The following REV3L variants were observed in gnomAD, a reference collection of about 807,000 sequenced individuals.
REV3L encodes the protein DNA polymerase zeta catalytic subunit.
Under a neutral mutation model 299.4 loss-of-function variants are expected in REV3L, and 69 were observed. The observed-to-expected ratio is 0.23, with a 90% CI of 0.19 to 0.28. The LOEUF (loss-of-function observed/expected upper bound fraction) is 0.28, where lower values mean the gene tolerates loss of function less well. REV3L is among the 10% of genes least tolerant of loss of function. The probability of loss-of-function intolerance (pLI) is 1.00; values close to 1 mark genes in which losing one functional copy is unlikely to be tolerated. For missense variants in REV3L, 3,128 were observed against 3,693.8 expected (o/e 0.85, Z 3.97); for synonymous variants, 1,238 against 1,271.4 (o/e 0.97, Z 0.56).
At chr6:111,328,344 A>G (rs926054507) in intron 25 of REV3L, among the ~76,000 whole-genome samples, 5 of 152,162 alleles carry the variant, frequency 3.3e-5, no homozygotes, top group African/African-American at 1.2e-4. Context: ...GGCTCAAGCA[A>G]TCCTCCCACC....
At chr6:111,366,443 C>T (rs1779220584) in intron 14 of REV3L, among the ~76,000 whole-genome samples, 1 of 151,880 alleles carries the variant, frequency 6.6e-6, no homozygotes, top group African/African-American at 2.4e-5. Flanking sequence ...TTAATAAACT[C>T]CAACATTTAG....
chr6:111,369,775 A>C (rs1244207711), intron 13 of REV3L, among the ~76,000 whole-genome samples: 1 of 152,164 alleles, frequency 6.6e-6, no homozygotes, highest in Non-Finnish European at 1.5e-5. Context: ...TACTACATGG[A>C]AAAATGATGT....
intron 14 of REV3L, among the ~76,000 whole-genome samples, chr6:111,366,189 A>T (rs1280588798): frequency 6.6e-6 from 1 of 152,176 alleles, no homozygotes; most frequent in Non-Finnish European, 1.5e-5. Flanking sequence ...TGTATATATA[A>T]GTGTGTTGGG....
At chr6:111,482,068 G>T (rs1562382761) in intron 1 of REV3L, among the ~76,000 whole-genome samples, 1 of 152,140 alleles carries the variant, frequency 6.6e-6, no homozygotes, top group Non-Finnish European at 1.5e-5. Flanking sequence ...TTCCATGGAT[G>T]CACATTTCCT....
At chr6:111,332,684 T>C (rs928974987) in intron 23 of REV3L, among the ~76,000 whole-genome samples, 4 of 152,244 alleles carry the variant, frequency 2.6e-5, no homozygotes, top group Admixed American at 2.6e-4. Context: ...TATCAGTTTA[T>C]AAAATTTAAT....
chr6:111,345,138 T>C (rs539314350), intron 20 of REV3L, among the ~76,000 whole-genome samples: 8 of 152,312 alleles, frequency 5.3e-5, no homozygotes, highest in African/African-American at 1.7e-4. Context: ...AAAGCTCATA[T>C]TGAAAGCAGT....
At chr6:111,467,143 C>T (rs776010477) in intron 1 of REV3L, among the ~76,000 whole-genome samples, 2 of 152,062 alleles carry the variant, frequency 1.3e-5, no homozygotes, top group East Asian at 1.9e-4. Flanking sequence ...AGAAAGGGTT[C>T]GACAACTTTA....
chr6:111,481,492 A>T (rs1793634383), intron 1 of REV3L, among the ~76,000 whole-genome samples: 1 of 152,228 alleles, frequency 6.6e-6, no homozygotes, highest in Non-Finnish European at 1.5e-5. Context: ...CAAATCTCAC[A>T]ACATTGACAT....
At chr6:111,483,613 T>C (rs1255376848), upstream of REV3L, 2 of 446,426 alleles carry the variant, frequency 4.5e-6, no homozygotes, top group Non-Finnish European at 8.9e-6. Context: ...CCGACCGCCA[T>C]TTCACATCCA....
intron 21 of REV3L, among the ~76,000 whole-genome samples, chr6:111,336,123 A>C (rs1775872689): frequency 6.6e-6 from 1 of 151,894 alleles, no homozygotes; most frequent in Non-Finnish European, 1.5e-5. Context: ...TTTTAGTGAG[A>C]TAATACATGG....
Position 111,346,462 on chromosome 6 carries a change from A to G in REV3L, c.7420-2419T>C, listed in dbSNP as rs532630996. Among the ~76,000 whole-genome samples the G allele has an allele frequency of 2.2e-4, 33 of 152,370 alleles. No homozygotes were observed. The South Asian group carries it at 5.4e-3, about 25-fold the overall frequency. ...AGAGAAAGAAATCTAGTACTTGTAT[A>G]TTAAAAAAACAAACAAAATTTATGA... On this transcript the variant is annotated intron_variant, in intron 20 of 31. Coordinates refer to ENST00000368802, the MANE Select transcript of REV3L (RefSeq NM_001372078.1).
At position 111,388,123 on chromosome 6, in the gene REV3L, C is replaced by T. The variant is rs768350339; in HGVS notation, c.863-38G>A. On this transcript the variant is annotated intron_variant, in intron 7 of 31. Coordinates refer to ENST00000368802, the MANE Select transcript of REV3L (RefSeq NM_001372078.1). Reference sequence around the variant, plus strand: ...AAAGTGCATTAAAAAATGTAAATAGCAAATGAATGAAATATTTTCCCTTCT... The same window carrying T: ...AAAGTGCATTAAAAAATGTAAATAGTAAATGAATGAAATATTTTCCCTTCT... 44 of 1,351,328 alleles carry T rather than the reference C, an allele frequency of 3.3e-5. No homozygotes were observed. In the South Asian group the frequency reaches 3.6e-4, roughly 11 times the overall value. 83.7% of individuals were successfully genotyped at this position (1,351,328 alleles called of 1,614,324 possible).
At chr6:111,422,613 CACATATATATATAT>C (rs1785566540) in intron 1 of REV3L, among the ~76,000 whole-genome samples, 1 of 7,178 alleles carries the variant, frequency 1.4e-4, no homozygotes, top group Non-Finnish European at 3.3e-4. Context: ...TATATATATA[CACATATATATATAT>C]ATACACATAT....
At chr6:111,450,478 CAAAAAAAAAAAAAAAAA>C (rs869119350) in intron 1 of REV3L, among the ~76,000 whole-genome samples, 3 of 54,114 alleles carry the variant, frequency 5.5e-5, no homozygotes, top group Non-Finnish European at 8.4e-5. Context: ...GACCCTGTCT[CAAAAAAAAAAAAAAAAA>C]AAAAAAAAAA....
At chr6:111,476,627 C>G (rs1372280032) in intron 1 of REV3L, among the ~76,000 whole-genome samples, 1 of 152,144 alleles carries the variant, frequency 6.6e-6, no homozygotes, top group Non-Finnish European at 1.5e-5. Flanking sequence ...TAAGTTAATT[C>G]TAGTCTTTAC....
At chr6:111,408,013 A>C (rs1327552061) in intron 3 of REV3L, among the ~76,000 whole-genome samples, 2 of 152,202 alleles carry the variant, frequency 1.3e-5, no homozygotes, top group African/African-American at 4.8e-5. Flanking sequence ...AGAATGGCTA[A>C]ATGAGAAAGG....
intron 9 of REV3L, among the ~76,000 whole-genome samples, chr6:111,387,178 A>T (rs1308505322): frequency 6.6e-6 from 1 of 152,218 alleles, no homozygotes; most frequent in Admixed American, 6.5e-5. Context: ...AGCCAGACAC[A>T]AAAGACTATA....
intron 31 of REV3L, among the ~76,000 whole-genome samples, chr6:111,303,165 C>CTTTCT (rs4038141): frequency 1.9e-4 from 18 of 92,342 alleles, no homozygotes; most frequent in South Asian, 7.7e-4. Context: ...TCTTTTCTTT[C>CTTTCT]TTTTTTTTTT....
rs184016476 is a variant in REV3L, at chr6:111,383,922, T to C, written c.1097-2478A>G. 5.9e-5 allele frequency among the ~76,000 whole-genome samples: 9 copies of C among 152,026 alleles called. No homozygotes were observed. The East Asian group carries it at 1.5e-3, about 26-fold the overall frequency. On this transcript the variant is annotated intron_variant, in intron 9 of 31. Transcript: ENST00000368802. ...GCATAAAAACAGGCACACAGACCAA[T>C]GGAATAGAGAACCCTGAAATAAATT...
Sources: allele counts gnomAD v4.1 joint callset (sites outside exome capture counted in the v4.1 genomes callset), GRCh38; gene constraint gnomAD v4.1.1; transcripts MANE v1.5; gene names NCBI Gene and HGNC (gene_info 2026-07-23, HGNC 2026-07-21).